Variants in H2AC12 observed in about 807,000 individuals in gnomAD.
The protein encoded by H2AC12 is H2A clustered histone 12.
A neutral mutation model predicts 5.8 loss-of-function variants in H2AC12; 9 were observed. The ratio of observed to expected loss-of-function variants is 1.56; its 90% CI spans 0.94 to 2.71. H2AC12 has a LOEUF of 2.71. Among genes scored for constraint, H2AC12 ranks in the 30% most tolerant of loss-of-function variants. The probability of loss-of-function intolerance (pLI) is 0.00; values close to 1 mark genes in which losing one functional copy is unlikely to be tolerated. For missense variants in H2AC12, 232 were observed against 173.1 expected (o/e 1.34, Z -1.91); for synonymous variants, 158 against 78.1 (o/e 2.02, Z -5.39).
chr6:27,147,535 TG>T lies in H2AC12; in HGVS notation c.*22del. The T allele has an allele frequency of 6.2e-7, 1 of 1,612,342 alleles. No individual in the cohort carries two copies. Among genetic ancestry groups the T allele is most frequent in the Non-Finnish European group, 8.5e-7 (1 of 1,179,038 alleles). On this transcript the variant is annotated 3_prime_UTR_variant, in exon 1 of 1. Coordinates refer to ENST00000377459, the MANE Select transcript of H2AC12 (RefSeq NM_080596.3). The stretch of plus-strand genomic sequence containing the variant: ...AAATAAGGAGCGAGGTTGTGAAAAC[TG>T]GAAAACAAAGGCTCTTTTCAGAGCC...
At position 27,147,180 on chromosome 6, in the gene H2AC12, C is replaced by G. The variant is rs1214532967; in HGVS notation, c.52C>G (p.Arg18Gly). 2 of 1,613,938 alleles carry G rather than the reference C, an allele frequency of 1.2e-6. No individual in the cohort carries two copies. The highest frequency in any genetic ancestry group is 1.1e-5 in the South Asian group (1 of 91,060). The stretch of plus-strand genomic sequence containing the variant: ...TAAAGCTCGCGCCAAGGCCAAGACC[C>G]GCTCTTCTCGGGCTGGGCTTCAGTT... ...GGKARAKAKT[R>G]SSRAGLQFPV... The change falls in exon 1 of 1, where the codon CGC (arginine) becomes GGC (glycine). Residue 18 changes from arginine (R) to glycine (G), a missense_variant. Coordinates refer to ENST00000377459, the MANE Select transcript of H2AC12 (RefSeq NM_080596.3).
In H2AC12 at chr6:27,147,347, C is replaced by T. The variant is rs1422088479; in HGVS notation, c.219C>T (p.Asp73=). ...ILELAGNAAR[D]NKKTRIIPRH... is the part of the protein sequence containing the mutation. ...AGCTGGCTGGCAATGCGGCCCGCGACAACAAGAAGACCCGTATCATCCCGC... is the reference window on the plus strand; with the variant it reads ...AGCTGGCTGGCAATGCGGCCCGCGATAACAAGAAGACCCGTATCATCCCGC... Residue 73 remains aspartate (D), a synonymous_variant, in exon 1 of 1, where the codon GAC becomes GAT. Coordinates refer to ENST00000377459, the MANE Select transcript of H2AC12 (RefSeq NM_080596.3). The T allele has an allele frequency of 2.5e-6, 4 of 1,614,052 alleles. No individual in the cohort carries two copies. In the South Asian group the frequency reaches 3.3e-5, roughly 13 times the overall value.
In H2AC12 at chr6:27,147,401, C is replaced by T. The variant is rs766798810; in HGVS notation, c.273C>T (p.Asp91=). 36 of 1,614,092 alleles carry T rather than the reference C, an allele frequency of 2.2e-5. No homozygotes were observed. Among genetic ancestry groups the T allele is most frequent in the African/African-American group, 4.0e-5 (3 of 74,920 alleles). ...PRHLQLAIRN[D]EELNKLLGKV... ...ACCTCCAACTGGCCATCCGCAACGA[C>T]GAGGAGCTCAACAAGCTGCTGGGCA... is the stretch of plus-strand genomic sequence containing the variant. The change falls in exon 1 of 1, where the codon GAC becomes GAT. Residue 91 remains aspartate, a synonymous_variant. Transcript: ENST00000377459.
rs1053911294 is a variant in H2AC12, at chr6:27,147,388, C to T, written c.260C>T (p.Ala87Val). The T allele has an allele frequency of 6.2e-7, 1 of 1,614,200 alleles. No individual in the cohort carries two copies. Among genetic ancestry groups the T allele is most frequent in the African/African-American group, 1.3e-5 (1 of 75,048 alleles). The change falls in exon 1 of 1, where the codon GCC becomes GTC. Residue 87 changes from alanine to valine, a missense_variant. By Grantham distance (64) the Ala-to-Val change is moderately conservative. Transcript: ENST00000377459. ...TRIIPRHLQL[A>V]IRNDEELNKL... ...ATCATCCCGCGTCACCTCCAACTGG[C>T]CATCCGCAACGACGAGGAGCTCAAC...
chr6:27,147,365 C>T lies in H2AC12; in HGVS notation c.237C>T (p.Ile79=), dbSNP rs752355933. Residue 79 remains isoleucine (I), a synonymous_variant, in exon 1 of 1, where the codon ATC becomes ATT. Coordinates refer to ENST00000377459, the MANE Select transcript of H2AC12 (RefSeq NM_080596.3). ...NAARDNKKTR[I]IPRHLQLAIR... is the part of the protein sequence containing the mutation. ...CCCGCGACAACAAGAAGACCCGTAT[C>T]ATCCCGCGTCACCTCCAACTGGCCA... The T allele has an allele frequency of 5.0e-6, 8 of 1,614,118 alleles. No individual in the cohort carries two copies. The highest frequency in any genetic ancestry group is 5.1e-6 in the Non-Finnish European group (6 of 1,180,052).
In H2AC12 at chr6:27,147,167, C is replaced by T. The variant is rs752593655; in HGVS notation, c.39C>T (p.Ala13=). 1.8e-5 allele frequency: 29 copies of T among 1,613,402 alleles called. No individual in the cohort carries two copies. The highest frequency in any genetic ancestry group is 4.5e-5 in the East Asian group (2 of 44,892). Reference sequence around the variant, plus strand: ...GCAAGCAAGGCGGTAAAGCTCGCGCCAAGGCCAAGACCCGCTCTTCTCGGG... The same window carrying T: ...GCAAGCAAGGCGGTAAAGCTCGCGCTAAGGCCAAGACCCGCTCTTCTCGGG... The part of the protein sequence containing the change: ...GRGKQGGKAR[A]KAKTRSSRAG... Residue 13 remains alanine (A), a synonymous_variant, in exon 1 of 1, where the codon GCC becomes GCT. Transcript: ENST00000377459.
chr6:27,147,530 A>C lies in H2AC12; in HGVS notation c.*15A>C. 6.2e-7 allele frequency: 1 copy of C among 1,612,642 alleles called. No individual in the cohort carries two copies. Among genetic ancestry groups the C allele is most frequent in the Non-Finnish European group, 8.5e-7 (1 of 1,179,208 alleles). On this transcript the variant is annotated 3_prime_UTR_variant, in exon 1 of 1. Transcript: ENST00000377459. ...AGGCCAAATAAGGAGCGAGGTTGTGAAAACTGGAAAACAAAGGCTCTTTTC... is the reference window on the plus strand; with the variant it reads ...AGGCCAAATAAGGAGCGAGGTTGTGCAAACTGGAAAACAAAGGCTCTTTTC...
chr6:27,147,167 C>CT lies in H2AC12; in HGVS notation c.39_40insT (p.Lys14Ter), dbSNP rs1760112789. 6.2e-7 allele frequency: 1 copy of CT among 1,613,522 alleles called. No homozygotes were observed. The highest frequency in any genetic ancestry group is 1.3e-5 in the African/African-American group (1 of 75,050). The stretch of plus-strand genomic sequence containing the variant: ...GCAAGCAAGGCGGTAAAGCTCGCGC[C>CT]AAGGCCAAGACCCGCTCTTCTCGGG... On this transcript the variant is annotated frameshift_variant, in exon 1 of 1. Transcript: ENST00000377459. LOFTEE classifies it high-confidence loss of function.
In H2AC12 at chr6:27,147,365, C is replaced by A; in HGVS notation, c.237C>A (p.Ile79=). 1 of 1,614,236 alleles carries A rather than the reference C, an allele frequency of 6.2e-7. No homozygotes were observed. Among genetic ancestry groups the A allele is most frequent in the Admixed American group, 1.7e-5 (1 of 60,030 alleles). ...NAARDNKKTR[I]IPRHLQLAIR... ...CCCGCGACAACAAGAAGACCCGTATCATCCCGCGTCACCTCCAACTGGCCA... is the reference window on the plus strand; with the variant it reads ...CCCGCGACAACAAGAAGACCCGTATAATCCCGCGTCACCTCCAACTGGCCA... Residue 79 remains isoleucine (I), a synonymous_variant, in exon 1 of 1, where the codon ATC becomes ATA. Transcript: ENST00000377459.
In H2AC12 at chr6:27,147,127, G is replaced by T; in HGVS notation, c.-2G>T. 1 of 1,607,306 alleles carries T rather than the reference G, an allele frequency of 6.2e-7. No homozygotes were observed. The highest frequency in any genetic ancestry group is 1.3e-5 in the African/African-American group (1 of 74,866). ...GGCTACTTTCAGTAAGTTGTGACCA[G>T]TATGTCTGGACGTGGCAAGCAAGGC... is the stretch of plus-strand genomic sequence containing the variant. On this transcript the variant is annotated 5_prime_UTR_variant, in exon 1 of 1. Coordinates refer to ENST00000377459, the MANE Select transcript of H2AC12 (RefSeq NM_080596.3).
chr6:27,147,479 G>A lies in H2AC12; in HGVS notation c.351G>A (p.Leu117=). ...TGCCCAATATCCAGGCCGTGCTGCT[G>A]CCTAAGAAGACTGAGAGCCACCATA... The part of the protein sequence containing the change: ...GVLPNIQAVL[L]PKKTESHHKA... Residue 117 remains leucine (L), a synonymous_variant, in exon 1 of 1, where the codon CTG becomes CTA. Coordinates refer to ENST00000377459, the MANE Select transcript of H2AC12 (RefSeq NM_080596.3). The A allele has an allele frequency of 1.2e-6, 2 of 1,614,204 alleles. No homozygotes were observed. The highest frequency in any genetic ancestry group is 1.1e-5 in the South Asian group (1 of 91,086).
rs574744122 is a variant in H2AC12, at chr6:27,147,470, C to T, written c.342C>T (p.Ala114=). The T allele has an allele frequency of 1.9e-5, 30 of 1,614,172 alleles. No homozygotes were observed. The highest frequency in any genetic ancestry group is 5.3e-5 in the African/African-American group (4 of 75,042). The change falls in exon 1 of 1, where the codon GCC becomes GCT. Residue 114 remains alanine (A), a synonymous_variant. Transcript: ENST00000377459. ...AQGGVLPNIQ[A]VLLPKKTESH... is the part of the protein sequence containing the mutation. ...GTGGTGTCTTGCCCAATATCCAGGC[C>T]GTGCTGCTGCCTAAGAAGACTGAGA...
At position 27,147,498 on chromosome 6, in the gene H2AC12, C is replaced by T. The variant is rs751738409; in HGVS notation, c.370C>T (p.His124Tyr). 32 of 1,614,000 alleles carry T rather than the reference C, an allele frequency of 2.0e-5. No homozygotes were observed. Among genetic ancestry groups the T allele is most frequent in the Non-Finnish European group, 2.5e-5 (30 of 1,180,002 alleles). ...GCTGCTGCCTAAGAAGACTGAGAGC[C>T]ACCATAAGGCCAAATAAGGAGCGAG... is the stretch of plus-strand genomic sequence containing the variant. ...AVLLPKKTES[H>Y]HKAK The change falls in exon 1 of 1, where the codon CAC becomes TAC. Residue 124 changes from histidine to tyrosine, a missense_variant. Physicochemically the swap from His to Tyr is moderately conservative, Grantham distance 83 (BLOSUM62 2). Transcript: ENST00000377459.
Position 27,147,174 on chromosome 6 carries a change from A to T in H2AC12, c.46A>T (p.Lys16Ter), listed in dbSNP as rs1760113226. ...AGGCGGTAAAGCTCGCGCCAAGGCCAAGACCCGCTCTTCTCGGGCTGGGCT... is the reference window on the plus strand; with the variant it reads ...AGGCGGTAAAGCTCGCGCCAAGGCCTAGACCCGCTCTTCTCGGGCTGGGCT... ...KQGGKARAKA[K>*]TRSSRAGLQF... Residue 16 changes from lysine to a stop codon, truncating the protein, a stop_gained, in exon 1 of 1, where the codon AAG becomes TAG. Transcript: ENST00000377459. LOFTEE classifies it high-confidence loss of function. 1 of 1,613,796 alleles carries T rather than the reference A, an allele frequency of 6.2e-7. No homozygotes were observed. Among genetic ancestry groups the T allele is most frequent in the Non-Finnish European group, 8.5e-7 (1 of 1,179,842 alleles).
Position 27,147,259 on chromosome 6 carries a change from T to C in H2AC12, c.131T>C (p.Val44Ala), listed in dbSNP as rs1207120842. Reference protein sequence around the residue: ...LLRKGNYAERVGAGAPVYLAA... With the variant: ...LLRKGNYAERAGAGAPVYLAA... Reference sequence around the variant, plus strand: ...CGCAAGGGTAATTATGCCGAGCGGGTTGGAGCCGGCGCGCCAGTGTACCTG... The same window carrying C: ...CGCAAGGGTAATTATGCCGAGCGGGCTGGAGCCGGCGCGCCAGTGTACCTG... The change falls in exon 1 of 1, where the codon GTT (valine) becomes GCT (alanine). Residue 44 changes from valine (V) to alanine (A), a missense_variant. Val to Ala is a moderately conservative substitution (Grantham distance 64). Coordinates refer to ENST00000377459, the MANE Select transcript of H2AC12 (RefSeq NM_080596.3). 2 of 1,614,016 alleles carry C rather than the reference T, an allele frequency of 1.2e-6. No homozygotes were observed. The highest frequency in any genetic ancestry group is 1.7e-6 in the Non-Finnish European group (2 of 1,180,000).
chr6:27,147,239 G>A lies in H2AC12; in HGVS notation c.111G>A (p.Lys37=), dbSNP rs200065103. 41 of 1,614,176 alleles carry A rather than the reference G, an allele frequency of 2.5e-5. No homozygotes were observed. The highest frequency in any genetic ancestry group is 3.1e-5 in the Non-Finnish European group (37 of 1,180,030). The change falls in exon 1 of 1, where the codon AAG becomes AAA. Residue 37 remains lysine, a synonymous_variant. Transcript: ENST00000377459. ...GCCGAGTGCACCGCCTGCTCCGCAA[G>A]GGTAATTATGCCGAGCGGGTTGGAG... ...PVGRVHRLLR[K]GNYAERVGAG...
In H2AC12 at chr6:27,147,520, C is replaced by A. The variant is rs779033461; in HGVS notation, c.*5C>A. 5.6e-6 allele frequency: 9 copies of A among 1,613,128 alleles called. No individual in the cohort carries two copies. In the Admixed American group the frequency reaches 8.4e-5, roughly 15 times the overall value. On this transcript the variant is annotated 3_prime_UTR_variant, in exon 1 of 1. Coordinates refer to ENST00000377459, the MANE Select transcript of H2AC12 (RefSeq NM_080596.3). Reference sequence around the variant, plus strand: ...AGCCACCATAAGGCCAAATAAGGAGCGAGGTTGTGAAAACTGGAAAACAAA... The same window carrying A: ...AGCCACCATAAGGCCAAATAAGGAGAGAGGTTGTGAAAACTGGAAAACAAA...
chr6:27,147,258 G>T lies in H2AC12; in HGVS notation c.130G>T (p.Val44Phe), dbSNP rs1208481907. The change falls in exon 1 of 1, where the codon GTT (valine) becomes TTT (phenylalanine). Residue 44 changes from valine (V) to phenylalanine (F), a missense_variant. Transcript: ENST00000377459. The part of the protein sequence containing the change: ...LLRKGNYAER[V>F]GAGAPVYLAA... ...CCGCAAGGGTAATTATGCCGAGCGG[G>T]TTGGAGCCGGCGCGCCAGTGTACCT... is the stretch of plus-strand genomic sequence containing the variant. 2 of 1,614,060 alleles carry T rather than the reference G, an allele frequency of 1.2e-6. No homozygotes were observed. The highest frequency in any genetic ancestry group is 1.3e-5 in the African/African-American group (1 of 74,932).
In H2AC12 at chr6:27,147,138, C is replaced by G; in HGVS notation, c.10C>G (p.Arg4Gly). The stretch of plus-strand genomic sequence containing the variant: ...GTAAGTTGTGACCAGTATGTCTGGA[C>G]GTGGCAAGCAAGGCGGTAAAGCTCG... MSGRGKQGGKARAK... is the reference protein window; with the variant it reads MSGGGKQGGKARAK... The change falls in exon 1 of 1, where the codon CGT (arginine) becomes GGT (glycine). Residue 4 changes from arginine (R) to glycine (G), a missense_variant. Transcript: ENST00000377459. 6.2e-7 allele frequency: 1 copy of G among 1,610,934 alleles called. No homozygotes were observed. The highest frequency in any genetic ancestry group is 8.5e-7 in the Non-Finnish European group (1 of 1,178,136).
Sources: gnomAD v4.1 joint callset for allele counts on GRCh38, gnomAD v4.1.1 for gene constraint, MANE v1.5 for transcripts, NCBI Gene and HGNC (gene_info 2026-07-23, HGNC 2026-07-21) for gene names.